Variants in PCDHA8 observed in about 807,000 individuals in gnomAD.
PCDHA8 encodes protocadherin alpha 8.
PCDHA8 carries 53 observed loss-of-function variants against 61.8 expected under a neutral mutation model. The ratio of observed to expected loss-of-function variants is 0.86; its 90% CI spans 0.69 to 1.08. The LOEUF (loss-of-function observed/expected upper bound fraction) is 1.08, where lower values mean the gene tolerates loss of function less well. Among genes scored for constraint, PCDHA8 ranks in the 50% least tolerant of loss-of-function variants. The probability of loss-of-function intolerance (pLI) is 0.00; values close to 1 mark genes in which losing one functional copy is unlikely to be tolerated. For synonymous variants in PCDHA8, 618 were observed against 556.6 expected (o/e 1.11, Z -1.55); for missense variants, 1,293 against 1,245.0 (o/e 1.04, Z -0.58).
At chr5:140,927,174 C>G (rs782406584) in intron 1 of PCDHA8, 2 of 1,614,186 alleles carry the variant, frequency 1.2e-6, no homozygotes, top group Non-Finnish European at 8.5e-7. Context: ...CTGCCTGCGT[C>G]TTGACCTACG....
chr5:140,951,889 G>A (rs2094649080), intron 1 of PCDHA8, among the ~76,000 whole-genome samples: 1 of 152,142 alleles, frequency 6.6e-6, no homozygotes, highest in Non-Finnish European at 1.5e-5. Flanking sequence ...ACTCTCTTCT[G>A]CCTATGAGCC....
chr5:140,985,128 G>C (rs908196925), intron 3 of PCDHA8, among the ~76,000 whole-genome samples: 1 of 152,056 alleles, frequency 6.6e-6, no homozygotes, highest in African/African-American at 2.4e-5. Context: ...TAGTAAAGAC[G>C]GGGTTTCACC....
chr5:140,918,003 T>A (rs1223893662), intron 1 of PCDHA8, among the ~76,000 whole-genome samples: 1 of 152,216 alleles, frequency 6.6e-6, no homozygotes, highest in African/African-American at 2.4e-5. Flanking sequence ...ATCTTAACAA[T>A]GTTGTTTCTT....
At chr5:140,874,958 A>G (rs2055195313) in intron 1 of PCDHA8, among the ~76,000 whole-genome samples, 1 of 152,242 alleles carries the variant, frequency 6.6e-6, no homozygotes, top group South Asian at 2.1e-4. Flanking sequence ...TGTAAGCTAT[A>G]TAAGGGGAGG....
At chr5:140,936,512 A>G (rs575884793) in intron 1 of PCDHA8, among the ~76,000 whole-genome samples, 1 of 152,324 alleles carries the variant, frequency 6.6e-6, no homozygotes, top group Non-Finnish European at 1.5e-5. Context: ...TAGATCTTAA[A>G]TTACCTGAAA....
At chr5:140,869,412 C>T (rs1164802929) in intron 1 of PCDHA8, 3 of 1,614,078 alleles carry the variant, frequency 1.9e-6, no homozygotes, top group Admixed American at 1.7e-5. Flanking sequence ...CGGAGTGCAG[C>T]ATCCACCTGG....
chr5:140,875,179 A>G, intron 1 of PCDHA8: 1 of 444,474 alleles, frequency 2.2e-6, no homozygotes, highest in East Asian at 4.2e-5. Context: ...AAACATTAGA[A>G]TTAAGAGTGA....
intron 1 of PCDHA8, among the ~76,000 whole-genome samples, chr5:140,974,459 C>G (rs59098360): frequency 0.013 from 1,989 of 152,274 alleles, 54 homozygotes; most frequent in African/African-American, 0.046. Flanking sequence ...TGACTACATT[C>G]AGAGGAAAGT....
chr5:140,928,550 C>A (rs781857799), intron 1 of PCDHA8: 1 of 1,614,160 alleles, frequency 6.2e-7, no homozygotes, highest in South Asian at 1.1e-5. Flanking sequence ...GACAATTATC[C>A]GGTTATCTTG....
intron 1 of PCDHA8, among the ~76,000 whole-genome samples, chr5:140,955,453 C>T (rs1372474602): frequency 6.6e-6 from 1 of 152,012 alleles, no homozygotes; most frequent in Admixed American, 6.6e-5. Context: ...TTTATAAGGG[C>T]TTTTTCCTTT....
At chr5:140,888,956 G>T (rs1043287613) in intron 1 of PCDHA8, among the ~76,000 whole-genome samples, 2 of 151,722 alleles carry the variant, frequency 1.3e-5, no homozygotes, top group Non-Finnish European at 2.9e-5. Flanking sequence ...TTTTTCTTTG[G>T]CAATGTTAAT....
chr5:140,899,675 C>T lies in PCDHA8; in HGVS notation c.2394+55960C>T, dbSNP rs569711192. On this transcript the variant is annotated intron_variant, in intron 1 of 3. Coordinates refer to ENST00000531613, the MANE Select transcript of PCDHA8 (RefSeq NM_018911.3). The stretch of plus-strand genomic sequence containing the variant: ...TTGTGTCTCTGCCCGGCTTTGGTAT[C>T]AGGATGATGCTGGCCTCATAAAATG... Among the ~76,000 whole-genome samples the T allele has an allele frequency of 4.6e-3, 702 of 152,296 alleles. 3 individuals are homozygous for T. The highest frequency in any genetic ancestry group is 0.016 in the African/African-American group (679 of 41,556).
chr5:140,983,270 GGGT>G (rs1349296894), intron 3 of PCDHA8, among the ~76,000 whole-genome samples: 4 of 152,152 alleles, frequency 2.6e-5, no homozygotes, highest in Non-Finnish European at 2.9e-5. Flanking sequence ...CCTAATGGCT[GGGT>G]GAGTATAGGA....
In PCDHA8 at chr5:141,010,089, G is replaced by A. The variant is rs1588251277; in HGVS notation, c.*152G>A. 3.7e-6 allele frequency: 6 copies of A among 1,612,294 alleles called. No individual in the cohort carries two copies. The highest frequency in any genetic ancestry group is 5.1e-6 in the Non-Finnish European group (6 of 1,179,138). ...AAAGTTCCCTGTGTCTGTCTAGAAC[G>A]CATTTAACAGGTTTTGTCGTAAAAG... On this transcript the variant is annotated 3_prime_UTR_variant, in exon 4 of 4. Transcript: ENST00000531613.
intron 1 of PCDHA8, among the ~76,000 whole-genome samples, chr5:140,909,076 G>A (rs556959550): frequency 3.3e-5 from 5 of 152,294 alleles, no homozygotes; most frequent in African/African-American, 7.2e-5. Context: ...TAAGCCCAGT[G>A]TGTTTGCTAC....
At chr5:140,987,432 T>G (rs1401623974) in intron 3 of PCDHA8, among the ~76,000 whole-genome samples, 1 of 152,152 alleles carries the variant, frequency 6.6e-6, no homozygotes, top group Non-Finnish European at 1.5e-5. Flanking sequence ...GCAGGGGGCC[T>G]TTCCCCATGC....
chr5:140,927,697 C>T, intron 1 of PCDHA8: 2 of 1,614,170 alleles, frequency 1.2e-6, no homozygotes, highest in Non-Finnish European at 1.7e-6. Flanking sequence ...TGGGGAAGTC[C>T]AGTACTCCCT....
rs868942705 is a variant in PCDHA8 at position 140,935,763 on chromosome 5, C to T, written c.2395-43186C>T. Reference sequence around the variant, plus strand: ...TATTCCATACAATACACATTCTTCCCCACTTTGAGTTTTTTCACTTAAAAA... The same window carrying T: ...TATTCCATACAATACACATTCTTCCTCACTTTGAGTTTTTTCACTTAAAAA... On this transcript the variant is annotated intron_variant, in intron 1 of 3. Coordinates refer to ENST00000531613, the MANE Select transcript of PCDHA8 (RefSeq NM_018911.3). Among the ~76,000 whole-genome samples, 111 of 152,180 alleles carry T rather than the reference C, an allele frequency of 7.3e-4. 1 individual carries two copies. The highest frequency in any genetic ancestry group is 3.4e-3 in the Middle Eastern group (1 of 294).
At chr5:140,994,197 G>A (rs1449482897) in intron 3 of PCDHA8, among the ~76,000 whole-genome samples, 1 of 152,196 alleles carries the variant, frequency 6.6e-6, no homozygotes. Context: ...GGGCCTGTTG[G>A]TCCAGAATGG....
Sources: gnomAD v4.1 joint callset for allele counts (sites outside exome capture counted in the v4.1 genomes callset) on GRCh38, gnomAD v4.1.1 for gene constraint, MANE v1.5 for transcripts, NCBI Gene and HGNC (gene_info 2026-07-23, HGNC 2026-07-21) for gene names.